The following GRID2 variants were observed in gnomAD, a reference collection of about 807,000 sequenced individuals.
GRID2 encodes the protein glutamate receptor ionotropic, delta-2.
In GRID2, 33 loss-of-function variants were observed where a neutral mutation model predicts 114.8. The ratio of observed to expected loss-of-function variants is 0.29; its 90% confidence interval spans 0.22 to 0.38. GRID2 has a LOEUF of 0.38. GRID2 is among the 10% of genes least tolerant of loss of function. GRID2 has a pLI of 1.00. For missense variants in GRID2, 1,184 were observed against 1,257.7 expected, an observed-to-expected ratio of 0.94 and a Z score of 0.89; for synonymous variants, 505 against 449.9, an observed-to-expected ratio of 1.12 and a Z score of -1.55.
intron 2 of GRID2, among the ~76,000 whole-genome samples, chr4:92,941,712 G>A (rs1398272816): frequency 2.0e-5 from 3 of 152,014 alleles, no homozygotes; most frequent in Non-Finnish European, 2.9e-5. Flanking sequence ...ATTGAGTGCT[G>A]CAAATTTCCC....
intron 12 of GRID2, among the ~76,000 whole-genome samples, 171 bp from the exon 13 acceptor site, chr4:93,515,045 C>T (rs2149490624): frequency 6.6e-6 from 1 of 152,236 alleles, no homozygotes; most frequent in South Asian, 2.1e-4. Context: ...TATACCCTAA[C>T]AGAAGTTTTT....
intron 2 of GRID2, among the ~76,000 whole-genome samples, chr4:92,970,364 C>A (rs1199065118): frequency 2.0e-5 from 3 of 151,870 alleles, no homozygotes; most frequent in Non-Finnish European, 4.4e-5. Flanking sequence ...GAATAAATAT[C>A]TGATTTATTG....
At chr4:93,527,059 C>G (rs1730981124) in intron 13 of GRID2, among the ~76,000 whole-genome samples, 1 of 152,070 alleles carries the variant, frequency 6.6e-6, no homozygotes, top group African/African-American at 2.4e-5. Flanking sequence ...CCTGGCTGTT[C>G]TTTTACATCC....
intron 11 of GRID2, among the ~76,000 whole-genome samples, chr4:93,470,248 T>C (rs546902337): frequency 6.6e-6 from 1 of 152,136 alleles, no homozygotes; most frequent in Non-Finnish European, 1.5e-5. Context: ...ACTTTCTTGC[T>C]ACTAAATTAT....
intron 14 of GRID2, among the ~76,000 whole-genome samples, chr4:93,668,633 G>A (rs975622493): frequency 2.6e-5 from 4 of 152,070 alleles, no homozygotes; most frequent in South Asian, 2.1e-4. Context: ...TACAATTTGT[G>A]TGTGCTAATT....
intron 8 of GRID2, among the ~76,000 whole-genome samples, chr4:93,344,324 C>A (rs1759966504): frequency 6.6e-6 from 1 of 151,844 alleles, no homozygotes. Flanking sequence ...AACATAGAAA[C>A]CATAGCATAA....
chr4:93,476,185 A>G (rs536553001), intron 11 of GRID2, among the ~76,000 whole-genome samples: 173 of 152,260 alleles, frequency 1.1e-3, no homozygotes, highest in African/African-American at 4.1e-3. Context: ...TTTATTGGTG[A>G]GCAAATAGGC....
At position 92,384,554 on chromosome 4, in the gene GRID2, A is replaced by G. The variant is rs1195679532; in HGVS notation, c.88+79810A>G. On this transcript the variant is annotated intron_variant, in intron 1 of 15. Transcript: ENST00000282020. ...ATATATAATATAATATATAATATAT[A>G]TTATATATAATATAATATATAAAAT... is the stretch of plus-strand genomic sequence containing the variant. 9.5e-4 allele frequency among the ~76,000 whole-genome samples: 47 copies of G among 49,710 alleles called. 1 individual carries two copies. The South Asian group carries it at 0.018, about 19-fold the overall frequency. 32.6% of individuals were successfully genotyped at this position (49,710 alleles called of 152,430 possible).
intron 14 of GRID2, among the ~76,000 whole-genome samples, chr4:93,627,545 G>C (rs1742836973): frequency 6.6e-6 from 1 of 152,146 alleles, no homozygotes; most frequent in Non-Finnish European, 1.5e-5. Context: ...AAGTATAAGT[G>C]ATTTAGAAAA....
chr4:93,706,598 C>A (rs1389207836), intron 14 of GRID2, among the ~76,000 whole-genome samples: 1 of 152,036 alleles, frequency 6.6e-6, no homozygotes, highest in Non-Finnish European at 1.5e-5. Flanking sequence ...TTGTGTATCA[C>A]CTCTAATAGT....
intron 8 of GRID2, among the ~76,000 whole-genome samples, chr4:93,243,369 C>T (rs778559104): frequency 1.1e-4 from 17 of 151,946 alleles, no homozygotes; most frequent in Non-Finnish European, 1.5e-4. Flanking sequence ...AATAACACCA[C>T]GCAAACAATT....
chr4:92,768,113 T>C (rs551835905), intron 2 of GRID2, among the ~76,000 whole-genome samples: 16 of 152,266 alleles, frequency 1.1e-4, no homozygotes, highest in African/African-American at 3.6e-4. Flanking sequence ...ATAAAATCTT[T>C]ATCAATGTCA....
At chr4:93,480,026 T>C (rs905453182) in intron 11 of GRID2, among the ~76,000 whole-genome samples, 1 of 152,142 alleles carries the variant, frequency 6.6e-6, no homozygotes, top group Non-Finnish European at 1.5e-5. Context: ...AAAATAGCTT[T>C]TCTTCATGGA....
At chr4:92,634,041 GTGGGCCACATTGGAAGAAGAATTGTCT>G (rs940003292) in intron 2 of GRID2, among the ~76,000 whole-genome samples, 3 of 151,280 alleles carry the variant, frequency 2.0e-5, no homozygotes, top group African/African-American at 7.3e-5. Context: ...TTTTGATTCT[GTGGGCCACATTGGAAGAAGAATTGTCT>G]TGGGCCACAT....
chr4:92,661,506 T>C (rs1732518538), intron 2 of GRID2, among the ~76,000 whole-genome samples: 2 of 150,944 alleles, frequency 1.3e-5, no homozygotes, highest in South Asian at 2.1e-4. Context: ...GAATGAGCTA[T>C]GTGCCTCATT....
chr4:92,922,134 G>A (rs1264359621), intron 2 of GRID2, among the ~76,000 whole-genome samples: 1 of 152,054 alleles, frequency 6.6e-6, no homozygotes, highest in Non-Finnish European at 1.5e-5. Context: ...GTGGGTGTAG[G>A]ACCCTCTGAG....
At chr4:92,651,294 A>G (rs1731919059) in intron 2 of GRID2, among the ~76,000 whole-genome samples, 1 of 151,916 alleles carries the variant, frequency 6.6e-6, no homozygotes, top group Non-Finnish European at 1.5e-5. Flanking sequence ...CACATCAGGG[A>G]CTCAGTGTGG....
At chr4:93,169,702 C>T (rs1341117858) in intron 4 of GRID2, among the ~76,000 whole-genome samples, 1 of 152,186 alleles carries the variant, frequency 6.6e-6, no homozygotes, top group African/African-American at 2.4e-5. Flanking sequence ...CACTAAAGCT[C>T]AATGTGCCCA....
intron 8 of GRID2, among the ~76,000 whole-genome samples, chr4:93,257,993 TATATATAC>T (rs1292064137): frequency 1.9e-3 from 47 of 24,852 alleles, no homozygotes; most frequent in African/African-American, 5.7e-3. Flanking sequence ...TATATATATA[TATATATAC>T]ACACACACAC....
Sources: allele counts gnomAD v4.1 joint callset (sites outside exome capture counted in the v4.1 genomes callset), GRCh38; gene constraint gnomAD v4.1.1; transcripts MANE v1.5; gene names NCBI Gene and HGNC (gene_info 2026-07-23, HGNC 2026-07-21).